The following PCGF3 variants were observed in gnomAD, a reference collection of about 807,000 sequenced individuals.
PCGF3 encodes the protein polycomb group RING finger protein 3.
A neutral mutation model predicts 33.1 loss-of-function variants in PCGF3; 7 were observed. The ratio of observed to expected loss-of-function variants is 0.21; its 90% CI spans 0.12 to 0.40. The LOEUF is 0.40. PCGF3 is among the 10% of genes least tolerant of loss of function. The pLI, the probability that PCGF3 is intolerant of heterozygous loss-of-function variation, is 1.00. For missense variants in PCGF3, 211 were observed against 313.3 expected, an observed-to-expected ratio of 0.67 and a Z score of 2.46; for synonymous variants, 153 against 121.3, an observed-to-expected ratio of 1.26 and a Z score of -1.72.
At chr4:761,371 G>A (rs1053536490) in exon 9 of PCGF3, 1 of 1,611,994 alleles carries the variant, frequency 6.2e-7, no homozygotes, top group Admixed American at 1.7e-5. Context: ...TCTTGCATCT[G>A]AAGAAGTTCA....
At chr4:712,220 A>G (rs954783516) in intron 1 of PCGF3, among the ~76,000 whole-genome samples, 62 of 152,318 alleles carry the variant, frequency 4.1e-4, no homozygotes, top group African/African-American at 1.4e-3. Flanking sequence ...CAGATCTGCC[A>G]CGTTTCTCCC....
At position 737,456 on chromosome 4, in the gene PCGF3, C is replaced by A. The variant is rs200479486; in HGVS notation, c.207-10C>A. 1.9e-6 allele frequency: 3 copies of A among 1,594,274 alleles called. No individual in the cohort carries two copies. The highest frequency in any genetic ancestry group is 1.1e-5 in the South Asian group (1 of 90,462). On this transcript the variant is annotated splice_polypyrimidine_tract_variant and intron_variant, in intron 5 of 10. Coordinates refer to ENST00000362003, the Ensembl canonical transcript of PCGF3. ...TTCCAGCTAACTCCACCTTTCTGTT[C>A]TTTTGCCAGTCATGACAGAACCATG...
chr4:756,195 G>A (rs1303415399), intron 8 of PCGF3, among the ~76,000 whole-genome samples: 3 of 149,152 alleles, frequency 2.0e-5, no homozygotes, highest in Admixed American at 1.3e-4. Flanking sequence ...GATTACAGAC[G>A]TGAGCCACCG....
chr4:749,415 C>T (rs1744411373), intron 8 of PCGF3, among the ~76,000 whole-genome samples: 1 of 151,016 alleles, frequency 6.6e-6, no homozygotes, highest in South Asian at 2.1e-4. Context: ...CCACCCACCT[C>T]AGCCTCCCAA....
chr4:761,664 A>G, intron 9 of PCGF3: 2 of 985,330 alleles, frequency 2.0e-6, no homozygotes, highest in Non-Finnish European at 2.4e-6. Flanking sequence ...GGGGATGATG[A>G]GACTGTTTTA....
At chr4:722,779 A>G (rs1211192893) in intron 1 of PCGF3, among the ~76,000 whole-genome samples, 1 of 86,624 alleles carries the variant, frequency 1.2e-5, no homozygotes, top group Non-Finnish European at 2.2e-5. Context: ...CGCCGGGTCC[A>G]CACTCGCGTC....
chr4:756,887 CTG>C (rs1276406486), intron 8 of PCGF3: 4 of 152,268 alleles, frequency 2.6e-5, no homozygotes, highest in Middle Eastern at 3.4e-3. Context: ...TCGAGAAAGT[CTG>C]TGAATTTACG....
At chr4:753,856 A>G (rs1744645568) in intron 8 of PCGF3, among the ~76,000 whole-genome samples, 2 of 151,848 alleles carry the variant, frequency 1.3e-5, no homozygotes, top group South Asian at 4.2e-4. Context: ...CTGAGGCATG[A>G]GAATCGCTTG....
intron 3 of PCGF3, among the ~76,000 whole-genome samples, chr4:733,349 G>C (rs1256267754): frequency 6.6e-6 from 1 of 152,252 alleles, no homozygotes; most frequent in South Asian, 2.1e-4. Context: ...CAGACAGCTC[G>C]GGGATCCTGC....
intron 10 of PCGF3, among the ~76,000 whole-genome samples, chr4:765,511 CCA>C (rs1293877052): frequency 6.6e-6 from 1 of 152,196 alleles, no homozygotes; most frequent in African/African-American, 2.4e-5. Flanking sequence ...ATCATCAACC[CCA>C]GAGCCAGCTT....
intron 6 of PCGF3, 121 bp downstream of exon 6, chr4:737,642 TCTC>T (rs1743892806): frequency 5.8e-6 from 4 of 687,482 alleles, no homozygotes; most frequent in South Asian, 4.9e-5. Flanking sequence ...ATCACCGTCT[TCTC>T]ATCCCTGCTC....
chr4:765,077 A>T lies in PCGF3; in HGVS notation c.681+13A>T, dbSNP rs775155838. ...GTGGAGATTCAAGGTGAGACACGTG[A>T]TTTGATTTTCAGAGTCTGCTCTGAA... is the stretch of plus-strand genomic sequence containing the variant. On this transcript the variant is annotated intron_variant, in intron 10 of 10. Coordinates refer to ENST00000362003, the Ensembl canonical transcript of PCGF3. 6 of 1,590,094 alleles carry T rather than the reference A, an allele frequency of 3.8e-6. No individual in the cohort carries two copies. The East Asian group carries it at 1.3e-4, about 36-fold the overall frequency.
intron 6 of PCGF3, among the ~76,000 whole-genome samples, chr4:741,524 A>G (rs1431243367): frequency 6.6e-6 from 1 of 152,200 alleles, no homozygotes; most frequent in African/African-American, 2.4e-5. Flanking sequence ...GTCCTGTCTC[A>G]GCCTCCTGAG....
At chr4:751,689 C>T (rs532395886) in intron 8 of PCGF3, among the ~76,000 whole-genome samples, 107 of 152,042 alleles carry the variant, frequency 7.0e-4, no homozygotes, top group African/African-American at 2.4e-3. Context: ...CTTGTGCCCT[C>T]CCCCGGTGGC....
chr4:725,949 C>G (rs1195995211), intron 1 of PCGF3, among the ~76,000 whole-genome samples: 1 of 152,202 alleles, frequency 6.6e-6, no homozygotes, highest in Non-Finnish European at 1.5e-5. Flanking sequence ...GCCAGGCTCT[C>G]TGTGTCTCCG....
rs57690550 is a variant in PCGF3, at chr4:727,233, C to CTTTTTTTTTTTTTTTTT, written c.-189-3388_-189-3372dup. On this transcript the variant is annotated intron_variant, in intron 1 of 10. Transcript: ENST00000362003. ...AGAGGATGTGTGTGTTAGCGAGCGT[C>CTTTTTTTTTTTTTTTTT]TTTTTTTTTTTTTTTTTTTTTTTTT... Among the ~76,000 whole-genome samples the CTTTTTTTTTTTTTTTTT allele has an allele frequency of 5.2e-4, 32 of 61,900 alleles. 1 individual carries two copies. The highest frequency in any genetic ancestry group is 1.2e-3 in the East Asian group (2 of 1,698). 40.6% of individuals were successfully genotyped at this position (61,900 alleles called of 152,430 possible). A position where few individuals can be genotyped will look rare whatever the true frequency, so the allele number is the denominator to read the frequency against.
intron 8 of PCGF3, among the ~76,000 whole-genome samples, chr4:758,263 C>T (rs922059661): frequency 1.3e-5 from 2 of 152,108 alleles, no homozygotes; most frequent in Non-Finnish European, 2.9e-5. Flanking sequence ...CCGGGCACCC[C>T]CTTTCTCCCT....
In PCGF3 at chr4:719,575, C is replaced by T. The variant is rs531637361; in HGVS notation, c.-189-11055C>T. On this transcript the variant is annotated intron_variant, in intron 1 of 10. Transcript: ENST00000362003. Reference sequence around the variant, plus strand: ...GTGTGTCTGTGGTGCAGCTGCAATGCGGGGTCCCGTCAGGGAACAGGAGCG... The same window carrying T: ...GTGTGTCTGTGGTGCAGCTGCAATGTGGGGTCCCGTCAGGGAACAGGAGCG... 3.9e-5 allele frequency among the ~76,000 whole-genome samples: 6 copies of T among 152,328 alleles called. No homozygotes were observed. The South Asian group carries it at 1.0e-3, about 26-fold the overall frequency.
At chr4:768,036 T>C (rs1181228458) in exon 11 of PCGF3, 1 of 152,692 alleles carries the variant, frequency 6.5e-6, no homozygotes, top group Non-Finnish European at 1.5e-5. Context: ...TGAAACTGAA[T>C]ATCATTGTAA....
Sources: gnomAD v4.1 joint callset for allele counts (sites outside exome capture counted in the v4.1 genomes callset) on GRCh38, gnomAD v4.1.1 for gene constraint, MANE v1.5 for transcripts, NCBI Gene and HGNC (gene_info 2026-07-23, HGNC 2026-07-21) for gene names.